Variants in DBNDD2 observed in about 807,000 individuals in gnomAD.
The protein encoded by DBNDD2 is dysbindin domain-containing protein 2.
A neutral mutation model predicts 14.0 loss-of-function variants in DBNDD2; 8 were observed. The observed-to-expected ratio is 0.57, with a 90% CI of 0.33 to 1.03. The LOEUF is 1.03. Ranked by LOEUF, DBNDD2 falls within the 50% of genes least tolerant of loss-of-function variation. The pLI is 0.03. For missense variants in DBNDD2, 194 were observed against 206.0 expected (o/e 0.94, Z 0.36); for synonymous variants, 94 against 85.3 (o/e 1.10, Z -0.56).
chr20:45,410,211 C>T lies in DBNDD2; in HGVS notation c.*71C>T. 1 of 1,511,338 alleles carries T rather than the reference C, an allele frequency of 6.6e-7. No individual in the cohort carries two copies. Among genetic ancestry groups the T allele is most frequent in the Non-Finnish European group, 9.0e-7 (1 of 1,115,416 alleles). The allele number at this position is 1,511,338 out of a possible 1,614,324, so 93.6% of individuals were successfully genotyped here. A position where few individuals can be genotyped will look rare whatever the true frequency, so the allele number is the denominator to read the frequency against. Reference sequence around the variant, plus strand: ...ATGAGACCACAGGCCCAGCCAGAGCCTGTCGGGAGAAGACCAGACTCTTTA... The same window carrying T: ...ATGAGACCACAGGCCCAGCCAGAGCTTGTCGGGAGAAGACCAGACTCTTTA... On this transcript the variant is annotated 3_prime_UTR_variant, in exon 3 of 3. Transcript: ENST00000372710.
chr20:45,406,935 C>T (rs559446096), upstream of DBNDD2, among the ~76,000 whole-genome samples: 1 of 152,282 alleles, frequency 6.6e-6, no homozygotes, highest in South Asian at 2.1e-4. Context: ...TTCGCTGGCT[C>T]CTGCCCGGCC....
At chr20:45,407,402 C>A, upstream of DBNDD2, 1 of 985,964 alleles carries the variant, frequency 1.0e-6, no homozygotes, top group Non-Finnish European at 1.2e-6. Flanking sequence ...ACGCTGGGTG[C>A]AGATGAGGTG....
At chr20:45,406,366 A>T, upstream of DBNDD2, 1 of 1,273,738 alleles carries the variant, frequency 7.9e-7, no homozygotes. Context: ...GGGCGCAGCA[A>T]GTGCATCCGA....
Position 45,408,803 on chromosome 20 carries a change from C to T in DBNDD2, c.142C>T (p.Pro48Ser), listed in dbSNP as rs768293034. 3.7e-6 allele frequency: 6 copies of T among 1,613,872 alleles called. No individual in the cohort carries two copies. Among genetic ancestry groups the T allele is most frequent in the Non-Finnish European group, 5.1e-6 (6 of 1,179,762 alleles). The change falls in exon 2 of 3, where the codon CCC (proline) becomes TCC (serine). Residue 48 changes from proline to serine, a missense_variant and splice_region_variant. Physicochemically the swap from Pro to Ser is moderately conservative, Grantham distance 74. Transcript: ENST00000372710. ...CTTGCCCACTTCTTGATCCGCAGCC[C>T]CCATAGGTAGTATCTCATCCATGGA... ...SHLHLESQRP[P>S]IGSISSMEVN...
At chr20:45,406,503 G>T (rs749547217), upstream of DBNDD2, 13 of 1,527,540 alleles carry the variant, frequency 8.5e-6, no homozygotes, top group South Asian at 1.6e-4. Flanking sequence ...AGCCGCGCTC[G>T]CAGGGGCTGC....
rs1349514472 is a variant in DBNDD2 at position 45,409,929 on chromosome 20, C to T, written c.278-3C>T. Reference sequence around the variant, plus strand: ...GGCCTGACCAGCTTTTCTCTCTGGGCAGGGATGGACAACCATTTGGAGGAG... The same window carrying T: ...GGCCTGACCAGCTTTTCTCTCTGGGTAGGGATGGACAACCATTTGGAGGAG... On this transcript the variant is annotated splice_region_variant and splice_polypyrimidine_tract_variant and intron_variant, in intron 2 of 2. Transcript: ENST00000372710. The T allele has an allele frequency of 6.4e-7, 1 of 1,551,636 alleles. No homozygotes were observed.
Position 45,408,602 on chromosome 20 carries a change from G to C in DBNDD2, c.135G>C (p.Gln45His). ...TGTCCCATCTGCATCTCGAGTCGCA[G>C]AGACGTAAGTCCCAAGTCCTGAGAA... The part of the protein sequence containing the change: ...FPLSHLHLES[Q>H]RPPIGSISSM... Residue 45 changes from glutamine to histidine, a missense_variant, in exon 1 of 3, where the codon CAG (glutamine) becomes CAC (histidine). By Grantham distance (24) the Gln-to-His change is conservative. Coordinates refer to ENST00000372710, the MANE Select transcript of DBNDD2 (RefSeq NM_001048225.4). 1 of 1,612,962 alleles carries C rather than the reference G, an allele frequency of 6.2e-7. No homozygotes were observed. Among genetic ancestry groups the C allele is most frequent in the Non-Finnish European group, 8.5e-7 (1 of 1,179,072 alleles).
rs753728418 is a variant in DBNDD2, at chr20:45,408,396, C to A, written c.-72C>A. On this transcript the variant is annotated 5_prime_UTR_variant, in exon 1 of 3. Coordinates refer to ENST00000372710, the MANE Select transcript of DBNDD2 (RefSeq NM_001048225.4). ...CTGGCTGCAGTGGGGCGCCCCAAGC[C>A]CAGGTCCCCTCTGTCTTCTCTTTCG... 2 of 1,613,862 alleles carry A rather than the reference C, an allele frequency of 1.2e-6. No homozygotes were observed. The highest frequency in any genetic ancestry group is 1.7e-6 in the Non-Finnish European group (2 of 1,180,006).
chr20:45,410,175 C>G lies in DBNDD2; in HGVS notation c.*35C>G. ...CCTGCCTACAGACTGACCACGCTGG[C>G]TATTCTCCACATGAGACCACAGGCC... On this transcript the variant is annotated 3_prime_UTR_variant, in exon 3 of 3. Coordinates refer to ENST00000372710, the MANE Select transcript of DBNDD2 (RefSeq NM_001048225.4). 1 of 1,549,888 alleles carries G rather than the reference C, an allele frequency of 6.5e-7. No homozygotes were observed. Among genetic ancestry groups the G allele is most frequent in the African/African-American group, 1.4e-5 (1 of 73,154 alleles).
At chr20:45,406,597 G>A (rs541042573), upstream of DBNDD2, 822 of 1,447,212 alleles carry the variant, frequency 5.7e-4, 4 homozygotes, top group African/African-American at 0.011. Context: ...CCTCGTTCCC[G>A]GCTCCCAGGG....
At position 45,408,882 on chromosome 20, in the gene DBNDD2, A is replaced by G. The variant is rs756244400; in HGVS notation, c.221A>G (p.Asp74Gly). The change falls in exon 2 of 3, where the codon GAT becomes GGT. Residue 74 changes from aspartate to glycine, a missense_variant. Asp to Gly is a moderately conservative substitution (Grantham distance 94). Transcript: ENST00000372710. Reference protein sequence around the residue: ...QVELIDLGDPDAADVFLPCED... With the variant: ...QVELIDLGDPGAADVFLPCED... Reference sequence around the variant, plus strand: ...GAACTTATTGACCTTGGGGACCCGGATGCAGCAGATGTGTTCTTGCCTTGC... The same window carrying G: ...GAACTTATTGACCTTGGGGACCCGGGTGCAGCAGATGTGTTCTTGCCTTGC... The G allele has an allele frequency of 6.2e-7, 1 of 1,614,242 alleles. No individual in the cohort carries two copies. The highest frequency in any genetic ancestry group is 1.6e-4 in the Middle Eastern group (1 of 6,062).
chr20:45,410,237 C>A lies in DBNDD2; in HGVS notation c.*97C>A. ...TGTCGGGAGAAGACCAGACTCTTTACTTGCAGTAGGCACCAGAGGTGGGAA... is the reference window on the plus strand; with the variant it reads ...TGTCGGGAGAAGACCAGACTCTTTAATTGCAGTAGGCACCAGAGGTGGGAA... On this transcript the variant is annotated 3_prime_UTR_variant, in exon 3 of 3. Transcript: ENST00000372710. 3 of 1,308,610 alleles carry A rather than the reference C, an allele frequency of 2.3e-6. No individual in the cohort carries two copies. Among genetic ancestry groups the A allele is most frequent in the Non-Finnish European group, 3.2e-6 (3 of 942,490 alleles). 81.1% of individuals were successfully genotyped at this position (1,308,610 alleles called of 1,614,324 possible). A position where few individuals can be genotyped will look rare whatever the true frequency, so the allele number is the denominator to read the frequency against.
rs926044283 is a variant in DBNDD2, at chr20:45,410,486, T to C, written c.*346T>C. ...TCTAATACAGTCTCTCAGACAAGTGTCTCTAGATGGATGTGAACTCCTTAA... is the reference window on the plus strand; with the variant it reads ...TCTAATACAGTCTCTCAGACAAGTGCCTCTAGATGGATGTGAACTCCTTAA... On this transcript the variant is annotated 3_prime_UTR_variant, in exon 3 of 3. Coordinates refer to ENST00000372710, the MANE Select transcript of DBNDD2 (RefSeq NM_001048225.4). 6.7e-6 allele frequency: 2 copies of C among 296,976 alleles called. No homozygotes were observed. Among genetic ancestry groups the C allele is most frequent in the African/African-American group, 4.3e-5 (2 of 46,966 alleles). The allele number at this position is 296,976 out of a possible 1,614,324, so 18.4% of individuals were successfully genotyped here. A position where few individuals can be genotyped will look rare whatever the true frequency, so the allele number is the denominator to read the frequency against.
At chr20:45,406,178 C>G, upstream of DBNDD2, 1 of 441,782 alleles carries the variant, frequency 2.3e-6, no homozygotes, top group Non-Finnish European at 4.0e-6. Flanking sequence ...CTCTCTCTTT[C>G]CCATCGTGCG....
chr20:45,407,322 G>A (rs987121393), upstream of DBNDD2: 16 of 985,682 alleles, frequency 1.6e-5, no homozygotes, highest in Non-Finnish European at 1.8e-5. Context: ...CCGTGGCCCT[G>A]CCTTGGCCAG....
rs1207071045 is a variant in DBNDD2, at chr20:45,408,308, G to A, written c.-160G>A. On this transcript the variant is annotated 5_prime_UTR_variant, in exon 1 of 3. Transcript: ENST00000372710. The stretch of plus-strand genomic sequence containing the variant: ...TGGGACACACTTGGTTTCAGGGAAG[G>A]GGAAAGAGGTCACCAAGGGCAGAGG... 7.6e-6 allele frequency: 12 copies of A among 1,575,162 alleles called. No individual in the cohort carries two copies. The highest frequency in any genetic ancestry group is 1.0e-5 in the Non-Finnish European group (12 of 1,160,140).
At chr20:45,407,456 A>G (rs990582019), upstream of DBNDD2, 3 of 985,754 alleles carry the variant, frequency 3.0e-6, no homozygotes, top group East Asian at 2.3e-4. Context: ...CTCAAGCTAG[A>G]AACTCCCTTG....
chr20:45,408,109 C>T (rs1309944693), upstream of DBNDD2: 1 of 1,490,822 alleles, frequency 6.7e-7, no homozygotes, highest in East Asian at 2.5e-5. Context: ...GAAAACGTAC[C>T]TCCTCCATTT....
At chr20:45,408,133 C>G (rs1042419117), upstream of DBNDD2, 1 of 1,519,736 alleles carries the variant, frequency 6.6e-7, no homozygotes, top group African/African-American at 1.4e-5. Flanking sequence ...CTGAACCAAT[C>G]CCTCCAACCC....
Sources: allele counts gnomAD v4.1 joint callset (sites outside exome capture counted in the v4.1 genomes callset), GRCh38; gene constraint gnomAD v4.1.1; transcripts MANE v1.5; gene names NCBI Gene and HGNC (gene_info 2026-07-23, HGNC 2026-07-21).